STYK1: variants seen among roughly 807,000 people sequenced by gnomAD.
The protein encoded by STYK1 is tyrosine-protein kinase STYK1.
STYK1 carries 46 observed loss-of-function variants against 48.1 expected under a neutral mutation model. That is an observed-to-expected ratio of 0.96 (90% CI 0.75 to 1.22). STYK1 has a LOEUF of 1.22. Ranked by LOEUF, STYK1 falls within the 50% of genes most tolerant of loss-of-function variation. The pLI is 0.00. For synonymous variants in STYK1, 188 were observed against 189.0 expected (o/e 0.99, Z 0.04); for missense variants, 527 against 521.1 (o/e 1.01, Z -0.11).
chr12:10,620,328 C>A lies in STYK1; in HGVS notation c.1085G>T (p.Cys362Phe). ...GCGGTCAGCCTCACGCCAGCGCCAG[C>A]AGGACTTCATGATACTGTACCTGAG... ...THTMYSIMKS[C>F]WRWREADRPS... Residue 362 changes from cysteine (C) to phenylalanine (F), a missense_variant, in exon 11 of 11, where the codon TGC becomes TTC. Cys to Phe is a radical substitution (Grantham distance 205, BLOSUM62 -2). Coordinates refer to ENST00000075503, the MANE Select transcript of STYK1 (RefSeq NM_018423.3). 6.2e-7 allele frequency: 1 copy of A among 1,613,266 alleles called. No homozygotes were observed. Among genetic ancestry groups the A allele is most frequent in the Non-Finnish European group, 8.5e-7 (1 of 1,180,040 alleles).
At position 10,627,404 on chromosome 12, in the gene STYK1, C is replaced by T. The variant is rs542019695; in HGVS notation, c.717+237G>A. Reference sequence around the variant, plus strand: ...ATCCTTCCTGTTCCTTGTATAAACCCTAAGTTGACTACTTTCTCCCTGAAA... The same window carrying T: ...ATCCTTCCTGTTCCTTGTATAAACCTTAAGTTGACTACTTTCTCCCTGAAA... On this transcript the variant is annotated intron_variant, in intron 7 of 10. Transcript: ENST00000075503. 2.5e-4 allele frequency among the ~76,000 whole-genome samples: 38 copies of T among 152,252 alleles called. No individual in the cohort carries two copies. In the South Asian group the frequency reaches 7.7e-3, roughly 31 times the overall value.
chr12:10,632,771 CTG>C (rs1453260626), intron 4 of STYK1, among the ~76,000 whole-genome samples: 2 of 152,118 alleles, frequency 1.3e-5, no homozygotes, highest in Non-Finnish European at 2.9e-5. Flanking sequence ...TAGATACAGA[CTG>C]TGAGAGAAAG....
chr12:10,619,025 T>G lies in STYK1; in HGVS notation c.*1119A>C, dbSNP rs1184873216. The G allele has an allele frequency of 6.6e-6, 1 of 152,242 alleles. No individual in the cohort carries two copies. Among genetic ancestry groups the G allele is most frequent in the Non-Finnish European group, 1.5e-5 (1 of 68,038 alleles). 9.4% of individuals were successfully genotyped at this position (152,242 alleles called of 1,614,324 possible). A position where few individuals can be genotyped will look rare whatever the true frequency, so the allele number is the denominator to read the frequency against. ...AACGTATCAATCCTCAGAACAACCT[T>G]GTGAAATAGGTATTATCCCCATTTA... On this transcript the variant is annotated 3_prime_UTR_variant, in exon 11 of 11. Coordinates refer to ENST00000075503, the MANE Select transcript of STYK1 (RefSeq NM_018423.3).
Position 10,670,995 on chromosome 12 carries a change from A to ATTTTT in STYK1, c.-195+2966_-195+2970dup, listed in dbSNP as rs763044772. Among the ~76,000 whole-genome samples the ATTTTT allele has an allele frequency of 1.9e-3, 206 of 110,458 alleles. 10 individuals are homozygous for ATTTTT. The highest frequency in any genetic ancestry group is 5.1e-3 in the African/African-American group (140 of 27,282). 72.5% of individuals were successfully genotyped at this position (110,458 alleles called of 152,430 possible). The stretch of plus-strand genomic sequence containing the variant: ...ATCTCCAGAACCTATGAATATATTG[A>ATTTTT]TTTTTTTTTTTTTTTTTTTTTTGAC... On this transcript the variant is annotated intron_variant, in intron 1 of 10. Transcript: ENST00000075503.
At chr12:10,628,618 T>C (rs1947386650) in intron 6 of STYK1, among the ~76,000 whole-genome samples, 1 of 152,136 alleles carries the variant, frequency 6.6e-6, no homozygotes, top group Non-Finnish European at 1.5e-5. Context: ...AATCAGCATA[T>C]GAAGGAGGCT....
In STYK1 at chr12:10,619,581, G is replaced by A. The variant is rs1353394173; in HGVS notation, c.*563C>T. On this transcript the variant is annotated 3_prime_UTR_variant, in exon 11 of 11. Coordinates refer to ENST00000075503, the MANE Select transcript of STYK1 (RefSeq NM_018423.3). ...CCATCTTTCTTTTATCTATACCTAA[G>A]GTGAAACTCAGAGGTTTTTCCGTTA... 6.4e-6 allele frequency: 1 copy of A among 155,970 alleles called. No homozygotes were observed. The highest frequency in any genetic ancestry group is 1.9e-4 in the East Asian group (1 of 5,366). The allele number at this position is 155,970 out of a possible 1,614,324, so 9.7% of individuals were successfully genotyped here.
intron 7 of STYK1, among the ~76,000 whole-genome samples, chr12:10,626,744 T>G (rs763314048): frequency 2.8e-4 from 42 of 152,310 alleles, no homozygotes; most frequent in Non-Finnish European, 5.1e-4. Flanking sequence ...CGGTGGCTCA[T>G]GCCTGTAATC....
chr12:10,627,848 G>C, intron 6 of STYK1, 124 bp from the exon 7 acceptor site: 3 of 685,876 alleles, frequency 4.4e-6, no homozygotes, highest in Non-Finnish European at 7.0e-6. Context: ...ATAAGGACTA[G>C]TGTTCAAAGT....
At position 10,631,171 on chromosome 12, in the gene STYK1, GCA is replaced by G. The variant is rs750293288; in HGVS notation, c.323_324del (p.Val108AlafsTer7). ...ATTPALAKLQ[V>X]PREQLSEVLE... ...AGAACTTCAGAGAGTTGCTCCCGCG[GCA>G]CCTGCAGCTTAGCCAGGGCAGGTGT... On this transcript the variant is annotated frameshift_variant, in exon 5 of 11. Transcript: ENST00000075503. LOFTEE classifies it high-confidence loss of function. 7.7e-5 allele frequency: 124 copies of G among 1,614,068 alleles called. No individual in the cohort carries two copies. Among genetic ancestry groups the G allele is most frequent in the Admixed American group, 1.7e-4 (10 of 60,000 alleles).
chr12:10,645,869 A>C (rs1014796748), intron 1 of STYK1, among the ~76,000 whole-genome samples: 1 of 152,194 alleles, frequency 6.6e-6, no homozygotes, highest in African/African-American at 2.4e-5. Context: ...ATGATAATGA[A>C]TAAGTCTCAC....
intron 1 of STYK1, among the ~76,000 whole-genome samples, chr12:10,639,063 C>A (rs1947515951): frequency 6.6e-6 from 1 of 152,084 alleles, no homozygotes; most frequent in Non-Finnish European, 1.5e-5. Context: ...AGGTAGCAGC[C>A]CCTAGCCTGA....
chr12:10,673,300 C>A (rs1341162782), intron 1 of STYK1, among the ~76,000 whole-genome samples: 1 of 152,054 alleles, frequency 6.6e-6, no homozygotes, highest in Non-Finnish European at 1.5e-5. Context: ...TCGCTTGAAC[C>A]TGGGAGGCGG....
chr12:10,625,460 G>A (rs529897240), intron 7 of STYK1, among the ~76,000 whole-genome samples: 1 of 152,228 alleles, frequency 6.6e-6, no homozygotes, highest in Non-Finnish European at 1.5e-5. Flanking sequence ...CTTGTGATCT[G>A]CCCTCCTCGG....
chr12:10,620,077 T>C lies in STYK1; in HGVS notation c.*67A>G. ...TTTGTGTCCCTGGGAAAGACCATTC[T>C]CTGTTCTTAGAGGAATTGATTCCAA... On this transcript the variant is annotated 3_prime_UTR_variant, in exon 11 of 11. Coordinates refer to ENST00000075503, the MANE Select transcript of STYK1 (RefSeq NM_018423.3). 6.4e-7 allele frequency: 1 copy of C among 1,557,022 alleles called. No individual in the cohort carries two copies. Among genetic ancestry groups the C allele is most frequent in the Non-Finnish European group, 8.8e-7 (1 of 1,129,988 alleles).
chr12:10,667,235 A>G (rs1349534917), intron 1 of STYK1: 1 of 152,250 alleles, frequency 6.6e-6, no homozygotes, highest in Non-Finnish European at 1.5e-5. Flanking sequence ...TATTTTAGCC[A>G]GTAATTTAAA....
chr12:10,661,169 A>C (rs1947773306), intron 1 of STYK1, among the ~76,000 whole-genome samples: 1 of 152,216 alleles, frequency 6.6e-6, no homozygotes, highest in Admixed American at 6.5e-5. Flanking sequence ...GAGGAGAAAC[A>C]TCATGAGTTT....
intron 1 of STYK1, among the ~76,000 whole-genome samples, chr12:10,642,724 A>G (rs1947558798): frequency 6.6e-6 from 1 of 152,246 alleles, no homozygotes; most frequent in Non-Finnish European, 1.5e-5. Flanking sequence ...ACTAGGTGTC[A>G]TTTGATAGCA....
intron 1 of STYK1, among the ~76,000 whole-genome samples, chr12:10,643,265 A>G (rs1399483659): frequency 6.6e-6 from 1 of 152,194 alleles, no homozygotes; most frequent in African/African-American, 2.4e-5. Context: ...AGCTCTTGCT[A>G]CTAATATAAA....
At chr12:10,630,876 TA>T (rs561551750) in intron 5 of STYK1, among the ~76,000 whole-genome samples, 168 bp downstream of exon 5, 1 of 150,974 alleles carries the variant, frequency 6.6e-6, no homozygotes, top group Admixed American at 6.6e-5. Context: ...TTTGTGTAAT[TA>T]AAAAAAAAGA....
Sources: gnomAD v4.1 joint callset for allele counts (sites outside exome capture counted in the v4.1 genomes callset) on GRCh38, gnomAD v4.1.1 for gene constraint, MANE v1.5 for transcripts, NCBI Gene and HGNC (gene_info 2026-07-23, HGNC 2026-07-21) for gene names.